BOD1L1: variants seen among roughly 807,000 people sequenced by gnomAD.
BOD1L1 encodes biorientation of chromosomes in cell division 1 like 1.
Under a neutral mutation model 240.7 loss-of-function variants are expected in BOD1L1, and 86 were observed. The observed-to-expected ratio is 0.36, with a 90% CI of 0.30 to 0.43. The LOEUF is 0.43. BOD1L1 is among the 20% of genes least tolerant of loss of function. BOD1L1 has a pLI of 1.00. For missense variants in BOD1L1, 3,554 were observed against 3,643.5 expected, an observed-to-expected ratio of 0.98 and a Z score of 0.63; for synonymous variants, 1,268 against 1,272.3, an observed-to-expected ratio of 1.00 and a Z score of 0.07.
In BOD1L1 at chr4:13,620,197, C is replaced by T. The variant is rs1382754139; in HGVS notation, c.244-130G>A. 11 of 946,958 alleles carry T rather than the reference C, an allele frequency of 1.2e-5. 1 individual carries two copies. In the South Asian group the frequency reaches 1.6e-4, roughly 14 times the overall value. 58.7% of individuals were successfully genotyped at this position (946,958 alleles called of 1,614,324 possible). On this transcript the variant is annotated intron_variant, in intron 1 of 25. Coordinates refer to ENST00000040738, the MANE Select transcript of BOD1L1 (RefSeq NM_148894.3). ...GACAATTCTGCTTCAAGATAACTTA[C>T]ACTCATTCAAATACTACTTATTTTG... is the stretch of plus-strand genomic sequence containing the variant.
At chr4:13,617,222 C>T (rs1184724525) in intron 2 of BOD1L1, among the ~76,000 whole-genome samples, 4 of 131,374 alleles carry the variant, frequency 3.0e-5, no homozygotes, top group East Asian at 2.2e-4. Flanking sequence ...TCCACCCTGG[C>T]GACAGAGCGA....
At chr4:13,582,343 G>A in intron 18 of BOD1L1, 33 bp from the exon 19 acceptor site, 1 of 1,570,644 alleles carries the variant, frequency 6.4e-7, no homozygotes, top group Non-Finnish European at 8.7e-7. Flanking sequence ...TTCAATGCTA[G>A]TGACCATGGT....
At chr4:13,619,542 A>G (rs1181265351) in intron 2 of BOD1L1, among the ~76,000 whole-genome samples, 1 of 152,142 alleles carries the variant, frequency 6.6e-6, no homozygotes, top group Non-Finnish European at 1.5e-5. Flanking sequence ...AAATCAAGAG[A>G]GAATATTTTA....
In BOD1L1 at chr4:13,599,572, G is replaced by T. The variant is rs757739630; in HGVS notation, c.7328C>A (p.Pro2443Gln). Residue 2443 changes from proline to glutamine, a missense_variant, in exon 10 of 26, where the codon CCA becomes CAA. By Grantham distance (76) the Pro-to-Gln change is moderately conservative. This residue lies in a region of BOD1L1 where 3,393 missense variants were observed against 3,427.1 expected (regional missense o/e 0.99). Transcript: ENST00000040738. ...CTCTTTCTGTCCTCTTCCTGCAAAT[G>T]GTCCTATTTCGGGGCACTCCTTGCC... ...KHGKECPEIG[P>Q]FAGRGQKEST... The T allele has an allele frequency of 2.5e-6, 4 of 1,614,004 alleles. No homozygotes were observed. The South Asian group carries it at 4.4e-5, about 18-fold the overall frequency.
rs1198268813 is a variant in BOD1L1 at position 13,613,147 on chromosome 4, G to C, written c.1324+365C>G. ...ATTATCAAATCTAACGGTGGTCTTA[G>C]GGAACCCGGAACTTGCAACTGGTGC... On this transcript the variant is annotated intron_variant, in intron 5 of 25. Transcript: ENST00000040738. The surrounding 1 kb of genome is among the most constrained non-coding windows in gnomAD (Gnocchi z 4.0). 6.6e-6 allele frequency among the ~76,000 whole-genome samples: 1 copy of C among 152,140 alleles called. No individual in the cohort carries two copies.
Position 13,582,652 on chromosome 4 carries a change from C to A in BOD1L1, c.8518G>T (p.Asp2840Tyr). The A allele has an allele frequency of 6.2e-7, 1 of 1,607,804 alleles. No individual in the cohort carries two copies. The change falls in exon 18 of 26, where the codon GAT (aspartate) becomes TAT (tyrosine). Residue 2840 changes from aspartate to tyrosine, a missense_variant and splice_region_variant. This residue lies in a region of BOD1L1 where 3,393 missense variants were observed against 3,427.1 expected (regional missense o/e 0.99). Coordinates refer to ENST00000040738, the MANE Select transcript of BOD1L1 (RefSeq NM_148894.3). ...STTSRVMEEK[D>Y]EYSSSETTGE... ...TTACCCAAGCAGATATTTTACTCAC[C>A]TTTTTCTTCCATGACCCTTGAGGTA...
At chr4:13,594,679 G>A (rs34940579) in intron 12 of BOD1L1, among the ~76,000 whole-genome samples, 50,405 of 151,920 alleles carry the variant, frequency 0.33, 9,921 homozygotes, top group East Asian at 0.76. Context: ...GGCGGATCAC[G>A]AGGTCAGGAG....
At chr4:13,585,155 C>A (rs1273355403) in intron 17 of BOD1L1, among the ~76,000 whole-genome samples, 2 of 152,150 alleles carry the variant, frequency 1.3e-5, no homozygotes, top group African/African-American at 4.8e-5. Context: ...AGTTTAAGAG[C>A]CTGTTTCTTC....
At position 13,579,846 on chromosome 4, in the gene BOD1L1, G is replaced by C. The variant is rs1450680782; in HGVS notation, c.8749+82C>G. 3.6e-5 allele frequency: 41 copies of C among 1,126,570 alleles called. 1 individual carries two copies. The Middle Eastern group carries it at 5.9e-4, about 16-fold the overall frequency. The allele number at this position is 1,126,570 out of a possible 1,614,324, so 69.8% of individuals were successfully genotyped here. On this transcript the variant is annotated intron_variant, in intron 22 of 25. Transcript: ENST00000040738. Reference sequence around the variant, plus strand: ...CACCCACTTCAATGAGAGGCAGAATGGAAGTTCCAAACCTTCTCCAACAGC... The same window carrying C: ...CACCCACTTCAATGAGAGGCAGAATCGAAGTTCCAAACCTTCTCCAACAGC...
intron 25 of BOD1L1, 58 bp from the exon 26 acceptor site, chr4:13,570,186 T>G: frequency 8.0e-7 from 1 of 1,257,518 alleles, no homozygotes; most frequent in Non-Finnish European, 1.1e-6. Context: ...TTCAAATAAC[T>G]TGGGAGTTCC....
chr4:13,584,753 A>C (rs1367378491), intron 17 of BOD1L1, among the ~76,000 whole-genome samples: 2 of 151,648 alleles, frequency 1.3e-5, no homozygotes, highest in Non-Finnish European at 2.9e-5. Context: ...GAATTTTTTC[A>C]CGTATTCAAT....
Position 13,614,395 on chromosome 4 carries a change from C to A in BOD1L1, c.975G>T (p.Lys325Asn). 1.3e-6 allele frequency: 2 copies of A among 1,570,582 alleles called. No individual in the cohort carries two copies. Among genetic ancestry groups the A allele is most frequent in the South Asian group, 2.3e-5 (2 of 86,848 alleles). Reference sequence around the variant, plus strand: ...TTTCTCCTTTCTCATTGCTGTCTGGCTTCTTTTCACCTTTGTCTGTTGATT... The same window carrying A: ...TTTCTCCTTTCTCATTGCTGTCTGGATTCTTTTCACCTTTGTCTGTTGATT... Reference protein sequence around the residue: ...KNKSTDKGEKKPDSNEKGERK... With the variant: ...KNKSTDKGEKNPDSNEKGERK... The change falls in exon 4 of 26, where the codon AAG becomes AAT. Residue 325 changes from lysine to asparagine, a missense_variant. Physicochemically the swap from Lys to Asn is moderately conservative, Grantham distance 94. Around this residue, in one of 2 missense-constraint regions of BOD1L1, gnomAD observed 3,393 missense variants for 3,427.1 expected, o/e 0.99. Coordinates refer to ENST00000040738, the MANE Select transcript of BOD1L1 (RefSeq NM_148894.3).
At chr4:13,594,167 G>T (rs1714429160) in intron 12 of BOD1L1, among the ~76,000 whole-genome samples, 1 of 151,794 alleles carries the variant, frequency 6.6e-6, no homozygotes, top group Non-Finnish European at 1.5e-5. Flanking sequence ...AGCTAATAAA[G>T]TCCCTTTAAG....
chr4:13,584,482 G>GTC (rs1713513010), intron 17 of BOD1L1, among the ~76,000 whole-genome samples: 1 of 145,440 alleles, frequency 6.9e-6, no homozygotes, highest in Admixed American at 6.8e-5. Flanking sequence ...GTGTGTGTGT[G>GTC]TTGGAGCGAG....
Position 13,600,214 on chromosome 4 carries a change from G to A in BOD1L1, c.6686C>T (p.Ala2229Val). Residue 2229 changes from alanine (A) to valine (V), a missense_variant, in exon 10 of 26, where the codon GCT becomes GTT. Ala to Val is a moderately conservative substitution (Grantham distance 64). Coordinates refer to ENST00000040738, the MANE Select transcript of BOD1L1 (RefSeq NM_148894.3). ...TTCAACAACTACACCGGAAACAGAAGCCTCACATTCTTCTGCTATGCTAGT... is the reference window on the plus strand; with the variant it reads ...TTCAACAACTACACCGGAAACAGAAACCTCACATTCTTCTGCTATGCTAGT... ...ISTSIAEECE[A>V]SVSGVVVESE... is the part of the protein sequence containing the mutation. The A allele has an allele frequency of 1.2e-6, 2 of 1,613,974 alleles. No individual in the cohort carries two copies. Among genetic ancestry groups the A allele is most frequent in the South Asian group, 1.1e-5 (1 of 91,090 alleles).
chr4:13,623,874 T>A (rs1480541392), intron 1 of BOD1L1: 1 of 152,188 alleles, frequency 6.6e-6, no homozygotes, highest in Non-Finnish European at 1.5e-5. Flanking sequence ...TCTTTGAGGT[T>A]CAAGTGGCAG....
intron 2 of BOD1L1, among the ~76,000 whole-genome samples, chr4:13,619,224 G>A (rs559928915): frequency 6.7e-6 from 1 of 149,708 alleles, no homozygotes; most frequent in Non-Finnish European, 1.5e-5. Flanking sequence ...TGGGAGGTCT[G>A]CTTGAGCCCA....
intron 18 of BOD1L1, 71 bp from the exon 19 acceptor site, chr4:13,582,381 C>G: frequency 8.6e-7 from 1 of 1,165,258 alleles, no homozygotes; most frequent in South Asian, 1.3e-5. Context: ...ACCCAGGTGA[C>G]CTACACAGCT....
intron 12 of BOD1L1, among the ~76,000 whole-genome samples, chr4:13,594,468 T>C (rs1159671682): frequency 6.6e-6 from 1 of 152,254 alleles, no homozygotes; most frequent in African/African-American, 2.4e-5. Flanking sequence ...GGGGAATTCC[T>C]GAGGCTTTCC....
Sources: allele counts gnomAD v4.1 joint callset (sites outside exome capture counted in the v4.1 genomes callset), GRCh38; gene constraint gnomAD v4.1.1; regional missense constraint gnomAD v4.1.1; non-coding constraint Gnocchi (gnomAD v3.1); transcripts MANE v1.5; gene names NCBI Gene and HGNC (gene_info 2026-07-23, HGNC 2026-07-21).